Variants in GRXCR1 observed in about 807,000 individuals in gnomAD.
The protein encoded by GRXCR1 is glutaredoxin domain-containing cysteine-rich protein 1.
GRXCR1 carries 27 observed loss-of-function variants against 27.3 expected under a neutral mutation model. The ratio of observed to expected loss-of-function variants is 0.99; its 90% CI spans 0.73 to 1.37. The LOEUF (loss-of-function observed/expected upper bound fraction) is 1.37, where lower values mean the gene tolerates loss of function less well. Ranked by LOEUF, GRXCR1 falls within the 40% of genes most tolerant of loss-of-function variation. The probability of loss-of-function intolerance (pLI) is 0.00; values close to 1 mark genes in which losing one functional copy is unlikely to be tolerated. For synonymous variants in GRXCR1, 122 were observed against 131.1 expected (o/e 0.93, Z 0.47); for missense variants, 379 against 354.4 (o/e 1.07, Z -0.56).
At chr4:42,975,807 AC>A (rs1295353027) in intron 2 of GRXCR1, among the ~76,000 whole-genome samples, 1 of 152,138 alleles carries the variant, frequency 6.6e-6, no homozygotes, top group Non-Finnish European at 1.5e-5. Context: ...AAGTACTACA[AC>A]CACATCTTCT....
At chr4:42,983,113 G>C (rs1356195138) in intron 2 of GRXCR1, among the ~76,000 whole-genome samples, 1 of 150,406 alleles carries the variant, frequency 6.6e-6, no homozygotes, top group Non-Finnish European at 1.5e-5. Flanking sequence ...TGGTGTTTTA[G>C]ACATGAAGTC....
At chr4:42,916,292 A>T (rs1746884801) in intron 1 of GRXCR1, among the ~76,000 whole-genome samples, 1 of 152,096 alleles carries the variant, frequency 6.6e-6, no homozygotes, top group African/African-American at 2.4e-5. Context: ...GCCTTCATTA[A>T]AGGCTAAATG....
intron 1 of GRXCR1, among the ~76,000 whole-genome samples, chr4:42,920,742 A>G (rs1398883105): frequency 2.6e-5 from 4 of 152,098 alleles, no homozygotes. Context: ...AATTTTTGGA[A>G]TATCAAATAT....
Position 43,030,455 on chromosome 4 carries a change from A to T in GRXCR1, c.788A>T (p.Asn263Ile). ...GGGAGCAAGATGTCCATGTTTCGAA[A>T]CTGCTTCACAGACTCTTTCAAAGCC... ...CHGSKMSMFR[N>I]CFTDSFKALK... The change falls in exon 4 of 4, where the codon AAC becomes ATC. Residue 263 changes from asparagine (N) to isoleucine (I), a missense_variant. By Grantham distance (149) the Asn-to-Ile change is moderately radical. Coordinates refer to ENST00000399770, the MANE Select transcript of GRXCR1 (RefSeq NM_001080476.3). The T allele has an allele frequency of 6.2e-7, 1 of 1,613,968 alleles. No homozygotes were observed. The highest frequency in any genetic ancestry group is 8.5e-7 in the Non-Finnish European group (1 of 1,179,962).
intron 1 of GRXCR1, 81 bp from the exon 2 acceptor site, chr4:42,962,811 C>T (rs1005044726): frequency 4.1e-5 from 62 of 1,528,726 alleles, no homozygotes; most frequent in East Asian, 3.6e-4. Context: ...ATGGCTTTAA[C>T]GCAATTTTTA....
At chr4:42,976,332 A>G (rs926653041) in intron 2 of GRXCR1, among the ~76,000 whole-genome samples, 2 of 151,948 alleles carry the variant, frequency 1.3e-5, no homozygotes, top group Non-Finnish European at 1.5e-5. Context: ...TTAGTTAGTT[A>G]TGGTCTTCAT....
At position 42,892,914 on chromosome 4, in the gene GRXCR1, C is replaced by A. The variant is rs1746265388; in HGVS notation, c.-353C>A. Among the ~76,000 whole-genome samples the A allele has an allele frequency of 6.6e-6, 1 of 152,116 alleles. No individual in the cohort carries two copies. The highest frequency in any genetic ancestry group is 2.4e-5 in the African/African-American group (1 of 41,450). ...GGTCCTTTTCAATGCCCACCATTGGCTTCAAAGTTCAAGCCTTTCATTTTC... is the reference window on the plus strand; with the variant it reads ...GGTCCTTTTCAATGCCCACCATTGGATTCAAAGTTCAAGCCTTTCATTTTC... On this transcript the variant is annotated 5_prime_UTR_variant, in exon 1 of 4. Coordinates refer to ENST00000399770, the MANE Select transcript of GRXCR1 (RefSeq NM_001080476.3).
intron 2 of GRXCR1, among the ~76,000 whole-genome samples, chr4:42,985,286 T>A (rs1711679809): frequency 6.6e-6 from 1 of 152,212 alleles, no homozygotes; most frequent in Non-Finnish European, 1.5e-5. Context: ...ATTCTTAATT[T>A]GATTGAAGAA....
chr4:42,905,624 C>A (rs576571411), intron 1 of GRXCR1, among the ~76,000 whole-genome samples: 1 of 152,258 alleles, frequency 6.6e-6, no homozygotes, highest in Non-Finnish European at 1.5e-5. Flanking sequence ...GATGTCCTCT[C>A]ATGGATTCAA....
intron 3 of GRXCR1, among the ~76,000 whole-genome samples, chr4:43,029,221 G>A (rs537448597): frequency 6.6e-6 from 1 of 152,182 alleles, no homozygotes; most frequent in Non-Finnish European, 1.5e-5. Context: ...AGTTTATCAG[G>A]TTTCTTTTAG....
chr4:42,951,914 C>T (rs1747892299), intron 1 of GRXCR1, among the ~76,000 whole-genome samples: 1 of 152,120 alleles, frequency 6.6e-6, no homozygotes, highest in African/African-American at 2.4e-5. Context: ...ATTGTCTTTG[C>T]AGTTAACGTC....
intron 1 of GRXCR1, among the ~76,000 whole-genome samples, chr4:42,954,588 G>T (rs150384626): frequency 1.4e-4 from 21 of 152,206 alleles, no homozygotes; most frequent in African/African-American, 4.6e-4. Flanking sequence ...AATGAAAAGT[G>T]CATATGTAGA....
intron 1 of GRXCR1, among the ~76,000 whole-genome samples, chr4:42,949,907 A>G (rs1393937983): frequency 6.6e-6 from 1 of 152,174 alleles, no homozygotes; most frequent in Non-Finnish European, 1.5e-5. Context: ...GGAATTCTAC[A>G]GGGACTGAAA....
intron 2 of GRXCR1, among the ~76,000 whole-genome samples, chr4:42,968,710 G>T (rs1027647077): frequency 1.3e-5 from 2 of 151,374 alleles, no homozygotes; most frequent in African/African-American, 4.9e-5. Context: ...ATTCAGAAAT[G>T]GAATAAAAAA....
chr4:42,966,621 C>A (rs755837657), intron 2 of GRXCR1, among the ~76,000 whole-genome samples: 1 of 152,016 alleles, frequency 6.6e-6, no homozygotes, highest in Non-Finnish European at 1.5e-5. Flanking sequence ...GAAGCTTCTG[C>A]CATAGTCAAG....
chr4:42,958,870 G>A (rs1422191039), intron 1 of GRXCR1, among the ~76,000 whole-genome samples: 1 of 151,946 alleles, frequency 6.6e-6, no homozygotes, highest in Admixed American at 6.6e-5. Context: ...AAAACAGTGA[G>A]ATATCACCTT....
intron 1 of GRXCR1, among the ~76,000 whole-genome samples, chr4:42,903,585 A>G (rs923614872): frequency 6.8e-6 from 1 of 147,616 alleles, no homozygotes; most frequent in African/African-American, 2.5e-5. Flanking sequence ...GTGCTGGGAT[A>G]GATATTCTTA....
chr4:43,013,218 T>C (rs1234782328), intron 2 of GRXCR1, among the ~76,000 whole-genome samples: 1 of 152,162 alleles, frequency 6.6e-6, no homozygotes, highest in Non-Finnish European at 1.5e-5. Context: ...CACTTGTATG[T>C]TCATTACAGC....
At chr4:42,985,890 A>G (rs1268595429) in intron 2 of GRXCR1, among the ~76,000 whole-genome samples, 1 of 152,210 alleles carries the variant, frequency 6.6e-6, no homozygotes, top group Non-Finnish European at 1.5e-5. Context: ...CTTGACTTGA[A>G]AAAAATAAAG....
Sources: gnomAD v4.1 joint callset for allele counts (sites outside exome capture counted in the v4.1 genomes callset) on GRCh38, gnomAD v4.1.1 for gene constraint, MANE v1.5 for transcripts, NCBI Gene and HGNC (gene_info 2026-07-23, HGNC 2026-07-21) for gene names.